The following MTMR12 variants were observed in gnomAD, a reference collection of about 807,000 sequenced individuals.
MTMR12 encodes the protein myotubularin related protein 12.
MTMR12 carries 33 observed loss-of-function variants against 96.7 expected under a neutral mutation model. That is an observed-to-expected ratio of 0.34 (90% CI 0.26 to 0.46). The LOEUF (loss-of-function observed/expected upper bound fraction) is 0.46. Ranked by LOEUF, MTMR12 falls within the 20% of genes least tolerant of loss-of-function variation. The pLI, the probability that MTMR12 is intolerant of heterozygous loss-of-function variation, is 1.00. For missense variants in MTMR12, 721 were observed against 896.1 expected, an observed-to-expected ratio of 0.80 and a Z score of 2.49; for synonymous variants, 298 against 327.2, an observed-to-expected ratio of 0.91 and a Z score of 0.96.
intron 7 of MTMR12, among the ~76,000 whole-genome samples, chr5:32,260,877 G>A (rs1218020746): frequency 1.3e-5 from 2 of 151,666 alleles, no homozygotes; most frequent in Non-Finnish European, 2.9e-5. Context: ...AGGGTGTTAG[G>A]GAGTATGTTC....
intron 7 of MTMR12, 125 bp downstream of exon 7, chr5:32,262,988 T>G: frequency 7.9e-7 from 1 of 1,258,434 alleles, no homozygotes; most frequent in South Asian, 1.6e-5. Flanking sequence ...AGTTTCTTTT[T>G]GGGAGGATGA....
Position 32,233,924 on chromosome 5 carries a change from CCTT to C in MTMR12, c.1520_1522del (p.Glu507del), listed in dbSNP as rs778408861. 6.2e-7 allele frequency: 1 copy of C among 1,614,152 alleles called. No individual in the cohort carries two copies. The highest frequency in any genetic ancestry group is 1.3e-5 in the African/African-American group (1 of 75,022). Reference sequence around the variant, plus strand: ...CAAAGGCTTGCTTTGTGTATCCTGGCCTTCTCTACCCTGCCAAAACAAGCACAG... The same window carrying C: ...CAAAGGCTTGCTTTGTGTATCCTGGCCTCTACCCTGCCAAAACAAGCACAG... On this transcript the variant is annotated inframe_deletion, in exon 15 of 16. Transcript: ENST00000382142. This position sits in a 1 kb window ranked among gnomAD's most constrained non-coding sequence, Gnocchi z 5.0.
chr5:32,266,321 T>A (rs996212977), intron 6 of MTMR12, among the ~76,000 whole-genome samples: 1 of 152,210 alleles, frequency 6.6e-6, no homozygotes, highest in Non-Finnish European at 1.5e-5. Flanking sequence ...ACATATTTAC[T>A]AAAAGAATGG....
Position 32,269,325 on chromosome 5 carries a change from C to CCTA in MTMR12, c.490-534_490-532dup, listed in dbSNP as rs529287363. ...TACAGGCATGAACCATCCTGCCCAG[C>CCTA]CTATTATTATTATTATTATTGTTAT... is the stretch of plus-strand genomic sequence containing the variant. On this transcript the variant is annotated intron_variant, in intron 5 of 15. Coordinates refer to ENST00000382142, the MANE Select transcript of MTMR12 (RefSeq NM_001040446.3). Among the ~76,000 whole-genome samples the CCTA allele has an allele frequency of 4.1e-3, 619 of 151,796 alleles. 1 individual carries two copies. Among genetic ancestry groups the CCTA allele is most frequent in the Non-Finnish European group, 6.2e-3 (419 of 67,952 alleles).
chr5:32,234,187 C>T (rs560379624), intron 14 of MTMR12, among the ~76,000 whole-genome samples: 51 of 152,250 alleles, frequency 3.3e-4, no homozygotes, highest in Middle Eastern at 3.4e-3. Flanking sequence ...CACAGCCTCG[C>T]GAGGCAACTG....
At chr5:32,286,783 A>G (rs1750555783) in intron 1 of MTMR12, among the ~76,000 whole-genome samples, 1 of 152,166 alleles carries the variant, frequency 6.6e-6, no homozygotes, top group Non-Finnish European at 1.5e-5. Flanking sequence ...TTATCTGACG[A>G]GGGTTGTACT....
chr5:32,254,191 G>C (rs1344620108), intron 8 of MTMR12, among the ~76,000 whole-genome samples: 1 of 152,146 alleles, frequency 6.6e-6, no homozygotes, highest in Non-Finnish European at 1.5e-5. Context: ...ATCCGTTTTC[G>C]AAGTGTAGTA....
chr5:32,267,915 C>T (rs1749666178), intron 6 of MTMR12, among the ~76,000 whole-genome samples: 2 of 152,024 alleles, frequency 1.3e-5, no homozygotes, highest in South Asian at 4.1e-4. Context: ...CTCACTGCAA[C>T]CTCCATCTCC....
chr5:32,271,901 G>T lies in MTMR12; in HGVS notation c.290C>A (p.Thr97Asn). 1 of 1,545,078 alleles carries T rather than the reference G, an allele frequency of 6.5e-7. No homozygotes were observed. Among genetic ancestry groups the T allele is most frequent in the Non-Finnish European group, 8.8e-7 (1 of 1,130,532 alleles). Residue 97 changes from threonine to asparagine, a missense_variant, in exon 4 of 16, where the codon ACT becomes AAT. Thr to Asn is a moderately conservative substitution (Grantham distance 65). Transcript: ENST00000382142. Reference protein sequence around the residue: ...DDESALDNDETQFKNKVIGEN... With the variant: ...DDESALDNDENQFKNKVIGEN... ...TCCTATAACCTTATTCTTAAATTGAGTTTCCTAGAAGATTCAAAAGGAAAC... is the reference window on the plus strand; with the variant it reads ...TCCTATAACCTTATTCTTAAATTGATTTTCCTAGAAGATTCAAAAGGAAAC...
intron 1 of MTMR12, among the ~76,000 whole-genome samples, chr5:32,281,264 A>C (rs910071284): frequency 1.3e-5 from 2 of 149,466 alleles, no homozygotes; most frequent in South Asian, 4.3e-4. Flanking sequence ...AAAAAAAAAA[A>C]CAAAAAAAAC....
At chr5:32,252,174 T>G (rs1351722036) in intron 8 of MTMR12, among the ~76,000 whole-genome samples, 3 of 152,130 alleles carry the variant, frequency 2.0e-5, no homozygotes, top group African/African-American at 7.2e-5. Context: ...GGCAAGGACA[T>G]GAATAAACTG....
chr5:32,298,424 T>G (rs911081197), intron 1 of MTMR12, among the ~76,000 whole-genome samples: 20 of 152,174 alleles, frequency 1.3e-4, no homozygotes, highest in Middle Eastern at 3.2e-3. Context: ...GGTATCAAGC[T>G]CTGGACTTAA....
At chr5:32,256,509 T>G (rs1163026016) in intron 7 of MTMR12, among the ~76,000 whole-genome samples, 5 of 152,170 alleles carry the variant, frequency 3.3e-5, no homozygotes, top group African/African-American at 1.2e-4. Flanking sequence ...AAGAACAAAC[T>G]TGTTAAGTAG....
At chr5:32,232,473 A>G (rs1259197900) in intron 15 of MTMR12, among the ~76,000 whole-genome samples, 1 of 152,164 alleles carries the variant, frequency 6.6e-6, no homozygotes, top group Non-Finnish European at 1.5e-5. Flanking sequence ...GCTAGGTCTG[A>G]GGAGAGAAAT....
At chr5:32,242,965 T>C (rs1348706522) in intron 11 of MTMR12, among the ~76,000 whole-genome samples, 3 of 152,170 alleles carry the variant, frequency 2.0e-5, no homozygotes, top group African/African-American at 7.2e-5. Flanking sequence ...AGAGCTACTC[T>C]GTCATCCTGA....
rs1267046186 is a variant in MTMR12 at position 32,239,032 on chromosome 5, C to T, written c.1313G>A (p.Cys438Tyr). The change falls in exon 13 of 16, where the codon TGC (cysteine) becomes TAC (tyrosine). Residue 438 changes from cysteine to tyrosine, a missense_variant. Physicochemically the swap from Cys to Tyr is radical, Grantham distance 194. Coordinates refer to ENST00000382142, the MANE Select transcript of MTMR12 (RefSeq NM_001040446.3). ...TTTGTCGTTCTGGCGGAGATGGTTG[C>T]AGCGATCCAAGAAACAGTGGCCACC... ...VMGGHCFLDR[C>Y]NHLRQNDKEE... is the part of the protein sequence containing the mutation. 7 of 1,606,764 alleles carry T rather than the reference C, an allele frequency of 4.4e-6. No individual in the cohort carries two copies. The highest frequency in any genetic ancestry group is 6.0e-6 in the Non-Finnish European group (7 of 1,176,164).
At chr5:32,291,823 G>A (rs1750746333) in intron 1 of MTMR12, among the ~76,000 whole-genome samples, 1 of 152,156 alleles carries the variant, frequency 6.6e-6, no homozygotes, top group South Asian at 2.1e-4. Context: ...CATTCCTCAG[G>A]GCGATCAGCC....
chr5:32,299,609 G>A (rs1005754511), intron 1 of MTMR12, among the ~76,000 whole-genome samples: 3 of 152,204 alleles, frequency 2.0e-5, no homozygotes, highest in African/African-American at 7.2e-5. Context: ...CAGGAAGAAG[G>A]CAAGAGGAAC....
chr5:32,284,641 T>C (rs147872147), intron 1 of MTMR12, among the ~76,000 whole-genome samples: 2 of 152,312 alleles, frequency 1.3e-5, no homozygotes, highest in African/African-American at 2.4e-5. Context: ...CCCTTAAGCC[T>C]CTGCGCCTTT....
Sources: allele counts gnomAD v4.1 joint callset (sites outside exome capture counted in the v4.1 genomes callset), GRCh38; gene constraint gnomAD v4.1.1; non-coding constraint Gnocchi (gnomAD v3.1); transcripts MANE v1.5; gene names NCBI Gene and HGNC (gene_info 2026-07-23, HGNC 2026-07-21).